ABCG5: variants seen among roughly 807,000 people sequenced by gnomAD.
The protein encoded by ABCG5 is ATP binding cassette subfamily G member 5.
ABCG5 carries 64 observed loss-of-function variants against 64.5 expected under a neutral mutation model. That is an observed-to-expected ratio of 0.99 (90% confidence interval 0.81 to 1.22). The LOEUF (loss-of-function observed/expected upper bound fraction) is 1.22, where lower values mean the gene tolerates loss of function less well. ABCG5 is among the 50% of genes most tolerant of loss of function. The pLI is 0.00. For synonymous variants in ABCG5, 385 were observed against 326.3 expected (o/e 1.18, Z -1.94); for missense variants, 908 against 829.5 (o/e 1.09, Z -1.16).
chr2:43,809,043 C>T (rs1393501536), downstream of ABCG5, among the ~76,000 whole-genome samples: 1 of 151,988 alleles, frequency 6.6e-6, no homozygotes, highest in African/African-American at 2.4e-5. Flanking sequence ...GGCTGGAGTG[C>T]AGTGGCGCAA....
At chr2:43,809,850 T>C, downstream of ABCG5, 2 of 1,513,432 alleles carry the variant, frequency 1.3e-6, no homozygotes, top group South Asian at 1.3e-5. Context: ...TGTGGCAATA[T>C]GTGAAGAAAG....
Position 43,838,375 on chromosome 2 carries a change from T to C in ABCG5, c.143+162A>G, listed in dbSNP as rs1668415256. ...GGGCCATTCACTGTCGCTCCATGTTTCCCAGCACAGCCCTTCTCCCTCTCC... is the reference window on the plus strand; with the variant it reads ...GGGCCATTCACTGTCGCTCCATGTTCCCCAGCACAGCCCTTCTCCCTCTCC... On this transcript the variant is annotated intron_variant, in intron 1 of 12. Transcript: ENST00000405322. The surrounding 1 kb of genome is among the most constrained non-coding windows in gnomAD (Gnocchi z 4.2). 2 of 709,202 alleles carry C rather than the reference T, an allele frequency of 2.8e-6. No homozygotes were observed. The highest frequency in any genetic ancestry group is 4.6e-6 in the Non-Finnish European group (2 of 432,770). The allele number at this position is 709,202 out of a possible 1,614,324, so 43.9% of individuals were successfully genotyped here. A position where few individuals can be genotyped will look rare whatever the true frequency, so the allele number is the denominator to read the frequency against.
At chr2:43,822,481 C>CGCT in intron 10 of ABCG5, 1 of 875,746 alleles carries the variant, frequency 1.1e-6, no homozygotes, top group Non-Finnish European at 1.4e-6. Context: ...CCCCCAGGCC[C>CGCT]CCCCCCATGC....
intron 2 of ABCG5, among the ~76,000 whole-genome samples, chr2:43,834,393 T>C (rs191870925): frequency 1.6e-4 from 24 of 152,362 alleles, no homozygotes; most frequent in Non-Finnish European, 2.8e-4. Context: ...TATACTTCTC[T>C]GGGAGGGATC....
chr2:43,823,569 A>C (rs546471188), intron 9 of ABCG5, among the ~76,000 whole-genome samples: 2 of 152,232 alleles, frequency 1.3e-5, no homozygotes, highest in South Asian at 4.1e-4. Flanking sequence ...CTAACGGTAC[A>C]AAGTTGGCCT....
At chr2:43,818,690 G>A (rs757088761) in intron 11 of ABCG5, among the ~76,000 whole-genome samples, 2 of 151,982 alleles carry the variant, frequency 1.3e-5, no homozygotes, top group Admixed American at 6.6e-5. Context: ...TAAGCAACAC[G>A]GACAAATACA....
At chr2:43,820,944 A>G (rs1572757245) in intron 10 of ABCG5, among the ~76,000 whole-genome samples, 1 of 152,248 alleles carries the variant, frequency 6.6e-6, no homozygotes, top group East Asian at 1.9e-4. Flanking sequence ...ATGAGCTACC[A>G]TGCCTGGCCT....
intron 2 of ABCG5, 157 bp from the exon 3 acceptor site, chr2:43,832,240 G>T: frequency 9.7e-7 from 1 of 1,027,872 alleles, no homozygotes; most frequent in Non-Finnish European, 1.4e-6. Context: ...TACAGGCCCT[G>T]CCCTATGGAA....
intron 11 of ABCG5, 81 bp downstream of exon 11, chr2:43,819,834 A>T: frequency 6.9e-7 from 1 of 1,454,394 alleles, no homozygotes; most frequent in Admixed American, 1.7e-5. Flanking sequence ...GTTCTCTGGT[A>T]TTCCTTTACT....
At chr2:43,813,708 CGTTTTT>C (rs1458107289) in intron 12 of ABCG5, among the ~76,000 whole-genome samples, 35 of 35,368 alleles carry the variant, frequency 9.9e-4, no homozygotes, top group African/African-American at 3.0e-3. Flanking sequence ...TTTTTTTTTT[CGTTTTT>C]TTTTTTTTTT....
chr2:43,820,584 G>T (rs997004033), intron 10 of ABCG5, among the ~76,000 whole-genome samples: 3 of 152,204 alleles, frequency 2.0e-5, no homozygotes, highest in South Asian at 2.1e-4. Context: ...TCCTCGATCA[G>T]GTTAGCCCTC....
chr2:43,838,896 G>T, upstream of ABCG5: 1 of 1,165,338 alleles, frequency 8.6e-7, no homozygotes, highest in Non-Finnish European at 1.2e-6. This position sits in a 1 kb window ranked among gnomAD's most constrained non-coding sequence, Gnocchi z 4.2. Flanking sequence ...ACACACGTTT[G>T]TAGGTGGGCT....
At chr2:43,836,210 G>A (rs1668255058) in intron 2 of ABCG5, among the ~76,000 whole-genome samples, 1 of 152,044 alleles carries the variant, frequency 6.6e-6, no homozygotes, top group South Asian at 2.1e-4. Context: ...CAAAGTGCTG[G>A]GATTACAAGC....
In ABCG5 at chr2:43,828,026, C is replaced by T. The variant is rs1249012340; in HGVS notation, c.591G>A (p.Glu197=). The T allele has an allele frequency of 1.9e-6, 3 of 1,614,146 alleles. No homozygotes were observed. Among genetic ancestry groups the T allele is most frequent in the Admixed American group, 3.3e-5 (2 of 60,024 alleles). The change falls in exon 5 of 13, where the codon GAG becomes GAA. Residue 197 remains glutamate (E), a synonymous_variant. Transcript: ENST00000405322. ...NYSLGGISTG[E]RRRVSIAAQL... is the part of the protein sequence containing the mutation. ...GGGCTGCGATGGAGACCCGGCGCCG[C>T]TCACCCGTGGAAATGCCCCCCAAGC...
rs1280305535 is a variant in ABCG5 at position 43,832,043 on chromosome 2, C to T, written c.306G>A (p.Arg102=). The change falls in exon 3 of 13, where the codon AGG becomes AGA. Residue 102 remains arginine (R), a synonymous_variant. Transcript: ENST00000405322. ...CCAGGAAGGTCCCCGCGCGCCCCAG[C>T]CTCCCGGACATGGCGTCCAGCAGCG... ...KTTLLDAMSG[R]LGRAGTFLGE... is the part of the protein sequence containing the mutation. 7.0e-6 allele frequency: 11 copies of T among 1,579,060 alleles called. No homozygotes were observed. The Admixed American group carries it at 1.8e-4, about 26-fold the overall frequency.
chr2:43,822,956 T>C (rs1378798664), intron 9 of ABCG5, 21 bp from the exon 10 acceptor site: 4 of 1,612,796 alleles, frequency 2.5e-6, no homozygotes, highest in Admixed American at 1.7e-5. Flanking sequence ...AAGGCAGGTT[T>C]CAGAACAGTC....
chr2:43,819,854 A>T, intron 11 of ABCG5, 61 bp downstream of exon 11: 1 of 1,559,012 alleles, frequency 6.4e-7, no homozygotes, highest in South Asian at 1.1e-5. Flanking sequence ...TTCAGTCATT[A>T]TTAGGTGATC....
Position 43,822,485 on chromosome 2 carries a change from C to CCCG in ABCG5, c.1463+311_1463+312insCGG, listed in dbSNP as rs1553369673. On this transcript the variant is annotated intron_variant, in intron 10 of 12. Coordinates refer to ENST00000405322, the MANE Select transcript of ABCG5 (RefSeq NM_022436.3). The stretch of plus-strand genomic sequence containing the variant: ...CTTTCTCCCCTCCCCCAGGCCCCCC[C>CCCG]CCATGCACCTGGGTCCTAGCTACTT... 11 of 925,856 alleles carry CCCG rather than the reference C, an allele frequency of 1.2e-5. No individual in the cohort carries two copies. In the African/African-American group the frequency reaches 1.6e-4, roughly 14 times the overall value. 57.4% of individuals were successfully genotyped at this position (925,856 alleles called of 1,614,324 possible).
chr2:43,821,129 C>T (rs1022278913), intron 10 of ABCG5, among the ~76,000 whole-genome samples: 5 of 152,138 alleles, frequency 3.3e-5, no homozygotes, highest in African/African-American at 1.2e-4. Flanking sequence ...TTATACTCGC[C>T]CCTCCTTACC....
Sources: gnomAD v4.1 joint callset for allele counts (sites outside exome capture counted in the v4.1 genomes callset) on GRCh38, gnomAD v4.1.1 for gene constraint, Gnocchi (gnomAD v3.1) non-coding constraint, MANE v1.5 for transcripts, NCBI Gene and HGNC (gene_info 2026-07-23, HGNC 2026-07-21) for gene names.